The following PTPRM variants were observed in gnomAD, a reference collection of about 807,000 sequenced individuals.
PTPRM encodes receptor-type tyrosine-protein phosphatase mu.
A neutral mutation model predicts 186.7 loss-of-function variants in PTPRM; 47 were observed. The observed-to-expected ratio is 0.25, with a 90% CI of 0.20 to 0.32. The LOEUF (loss-of-function observed/expected upper bound fraction) is 0.32. Ranked by LOEUF, PTPRM falls within the 10% of genes least tolerant of loss-of-function variation. PTPRM has a pLI of 1.00. For missense variants in PTPRM, 1,494 were observed against 1,865.0 expected (o/e 0.80, Z 3.66); for synonymous variants, 668 against 674.9 (o/e 0.99, Z 0.16).
rs538755518 is a variant in PTPRM, at chr18:8,139,293, A to T, written c.2168-4354A>T. On this transcript the variant is annotated intron_variant, in intron 13 of 32. Transcript: ENST00000580170. Reference sequence around the variant, plus strand: ...TCCTAACACACTCGACATCCAGTTCATCGGCAAAACTGATGGCTGGACTGT... The same window carrying T: ...TCCTAACACACTCGACATCCAGTTCTTCGGCAAAACTGATGGCTGGACTGT... Among the ~76,000 whole-genome samples, 25 of 152,238 alleles carry T rather than the reference A, an allele frequency of 1.6e-4. No homozygotes were observed. In the South Asian group the frequency reaches 4.8e-3, roughly 29 times the overall value.
rs1238112461 is a variant in PTPRM at position 8,206,268 on chromosome 18, A to ATTTTTTTTTTTTTTTTT, written c.2301-37786_2301-37785insTTTTTTTTTTTTTTTTT. ...CTGAATTTTTATTTTATTTTATTTT[A>ATTTTTTTTTTTTTTTTT]TTTTGAGACGGAGTCTTGCACTGTC... On this transcript the variant is annotated intron_variant, in intron 14 of 32. Coordinates refer to ENST00000580170, the MANE Select transcript of PTPRM (RefSeq NM_001105244.2). Among the ~76,000 whole-genome samples the ATTTTTTTTTTTTTTTTT allele has an allele frequency of 5.8e-3, 866 of 148,980 alleles. 23 individuals are homozygous for ATTTTTTTTTTTTTTTTT. Among genetic ancestry groups the ATTTTTTTTTTTTTTTTT allele is most frequent in the African/African-American group, 0.021 (812 of 38,600 alleles).
At chr18:7,861,886 G>A (rs1252640216) in intron 2 of PTPRM, among the ~76,000 whole-genome samples, 2 of 152,078 alleles carry the variant, frequency 1.3e-5, no homozygotes, top group Admixed American at 6.6e-5. Context: ...GGATATGTAG[G>A]CTGTATATTT....
chr18:7,879,983 G>A (rs950892036), intron 2 of PTPRM, among the ~76,000 whole-genome samples: 2 of 152,198 alleles, frequency 1.3e-5, no homozygotes, highest in African/African-American at 2.4e-5. Flanking sequence ...AGAAGGTGGA[G>A]CAAACACATC....
At chr18:8,155,299 C>G (rs1443933580) in intron 14 of PTPRM, among the ~76,000 whole-genome samples, 1 of 152,092 alleles carries the variant, frequency 6.6e-6, no homozygotes, top group Non-Finnish European at 1.5e-5. Flanking sequence ...TCTAAAATAG[C>G]TATAGATCTT....
chr18:8,384,279 G>A (rs1162397853), intron 29 of PTPRM, among the ~76,000 whole-genome samples: 5 of 152,030 alleles, frequency 3.3e-5, no homozygotes, highest in Admixed American at 2.6e-4. Context: ...GCAACATAGC[G>A]AGATCCCTGT....
chr18:8,099,538 G>A (rs139310626), intron 11 of PTPRM, among the ~76,000 whole-genome samples: 221 of 152,254 alleles, frequency 1.5e-3, no homozygotes, highest in African/African-American at 4.6e-3. Flanking sequence ...CACTGGGGCC[G>A]GGACATTGGG....
intron 14 of PTPRM, among the ~76,000 whole-genome samples, chr18:8,179,776 C>T (rs758763993): frequency 1.3e-5 from 2 of 152,128 alleles, no homozygotes; most frequent in African/African-American, 4.8e-5. Context: ...CCTAAATATC[C>T]CTCTTTTTAA....
chr18:7,574,849 G>A (rs1197198795), intron 1 of PTPRM, among the ~76,000 whole-genome samples: 4 of 152,186 alleles, frequency 2.6e-5, no homozygotes, highest in Admixed American at 6.5e-5. Context: ...GGCTAACGTG[G>A]TGAAACCCCG....
intron 15 of PTPRM, among the ~76,000 whole-genome samples, chr18:8,245,942 A>G (rs1278058462): frequency 6.6e-6 from 1 of 152,218 alleles, no homozygotes; most frequent in Non-Finnish European, 1.5e-5. Flanking sequence ...TTCATGTACA[A>G]ACGGCAGCTG....
intron 13 of PTPRM, among the ~76,000 whole-genome samples, chr18:8,135,744 A>G (rs763276995): frequency 1.3e-5 from 2 of 152,178 alleles, no homozygotes; most frequent in East Asian, 1.9e-4. Context: ...CCTCATCACA[A>G]TTCTAAAAGG....
intron 1 of PTPRM, among the ~76,000 whole-genome samples, chr18:7,673,275 G>C (rs112133361): frequency 3.4e-4 from 52 of 152,334 alleles, no homozygotes; most frequent in African/African-American, 1.2e-3. Context: ...GACAAAGCTA[G>C]ATGTGGAATA....
chr18:7,714,214 C>T (rs1024823476), intron 1 of PTPRM, among the ~76,000 whole-genome samples: 1 of 152,148 alleles, frequency 6.6e-6, no homozygotes, highest in Non-Finnish European at 1.5e-5. Context: ...TTAAGAAACT[C>T]ACTGAAAGTC....
intron 7 of PTPRM, among the ~76,000 whole-genome samples, chr18:8,050,518 T>C (rs536820609): frequency 4.3e-4 from 65 of 152,036 alleles, no homozygotes; most frequent in African/African-American, 1.5e-3. Flanking sequence ...CATACACTCA[T>C]ACACTCCTGT....
At chr18:7,980,001 C>G (rs1449981372) in intron 7 of PTPRM, among the ~76,000 whole-genome samples, 1 of 152,188 alleles carries the variant, frequency 6.6e-6, no homozygotes, top group East Asian at 1.9e-4. Context: ...CTCCTGGACA[C>G]CCCACATGGA....
At chr18:7,596,612 A>G (rs2037267854) in intron 1 of PTPRM, among the ~76,000 whole-genome samples, 2 of 152,170 alleles carry the variant, frequency 1.3e-5, no homozygotes, top group Admixed American at 6.5e-5. Flanking sequence ...TGCATATAGG[A>G]AAAAACATGG....
Position 8,184,372 on chromosome 18 carries a change from A to G in PTPRM, c.2300+40593A>G, listed in dbSNP as rs149909531. Among the ~76,000 whole-genome samples, 214 of 152,314 alleles carry G rather than the reference A, an allele frequency of 1.4e-3. 1 individual carries two copies. The highest frequency in any genetic ancestry group is 5.0e-3 in the African/African-American group (206 of 41,570). The stretch of plus-strand genomic sequence containing the variant: ...GTGCTGTTTTTGAAAGTCAGAGGGT[A>G]AAGTCCCACTGACTTTAATGATAAG... On this transcript the variant is annotated intron_variant, in intron 14 of 32. Coordinates refer to ENST00000580170, the MANE Select transcript of PTPRM (RefSeq NM_001105244.2).
intron 1 of PTPRM, among the ~76,000 whole-genome samples, chr18:7,587,035 G>A (rs2036996313): frequency 2.0e-5 from 3 of 152,062 alleles, no homozygotes; most frequent in Admixed American, 2.0e-4. Flanking sequence ...TTGAAAGTCT[G>A]TGATTACTTA....
At chr18:7,906,705 C>A in intron 4 of PTPRM, 122 bp downstream of exon 4, 1 of 773,448 alleles carries the variant, frequency 1.3e-6, no homozygotes, top group South Asian at 1.7e-5. Flanking sequence ...CCCTGACAGG[C>A]CTGTATTGTT....
intron 7 of PTPRM, among the ~76,000 whole-genome samples, chr18:7,991,632 C>T (rs752898414): frequency 1.2e-4 from 19 of 152,150 alleles, no homozygotes; most frequent in Non-Finnish European, 2.5e-4. Flanking sequence ...TCAGTAGCAA[C>T]CCAATCTAGC....
Sources: gnomAD v4.1 joint callset for allele counts (sites outside exome capture counted in the v4.1 genomes callset) on GRCh38, gnomAD v4.1.1 for gene constraint, MANE v1.5 for transcripts, NCBI Gene and HGNC (gene_info 2026-07-23, HGNC 2026-07-21) for gene names.